Variants in UVRAG observed in about 807,000 individuals in gnomAD.
UVRAG encodes the protein UV radiation resistance-associated gene protein.
A neutral mutation model predicts 78.0 loss-of-function variants in UVRAG; 19 were observed. That is an observed-to-expected ratio of 0.24 (90% CI 0.17 to 0.36). The LOEUF (loss-of-function observed/expected upper bound fraction) is 0.36. UVRAG is among the 10% of genes least tolerant of loss of function. The pLI is 1.00. For missense variants in UVRAG, 740 were observed against 853.8 expected (o/e 0.87, Z 1.66); for synonymous variants, 323 against 324.6 (o/e 1.00, Z 0.05).
At chr11:75,991,376 C>T (rs1565107963) in intron 8 of UVRAG, among the ~76,000 whole-genome samples, 1 of 152,082 alleles carries the variant, frequency 6.6e-6, no homozygotes, top group Admixed American at 6.6e-5. Flanking sequence ...AATGAAAACA[C>T]TATAAGGTTG....
At chr11:75,981,535 C>CA (rs1949393615) in intron 7 of UVRAG, among the ~76,000 whole-genome samples, 1 of 152,066 alleles carries the variant, frequency 6.6e-6, no homozygotes, top group African/African-American at 2.4e-5. Flanking sequence ...ACCGCAGCCT[C>CA]AAACTCCTAG....
intron 4 of UVRAG, among the ~76,000 whole-genome samples, chr11:75,885,325 G>A (rs1947051894): frequency 6.6e-6 from 1 of 151,968 alleles, no homozygotes; most frequent in Non-Finnish European, 1.5e-5. Flanking sequence ...TAGTTTAAGT[G>A]GTTAGAACTT....
At chr11:75,879,561 G>C (rs1946891765) in intron 3 of UVRAG, among the ~76,000 whole-genome samples, 1 of 152,216 alleles carries the variant, frequency 6.6e-6, no homozygotes, top group Non-Finnish European at 1.5e-5. Context: ...CTCTTTGAGG[G>C]CATTGTTTAT....
At chr11:75,919,406 A>G (rs138680531) in intron 6 of UVRAG, among the ~76,000 whole-genome samples, 51 of 152,318 alleles carry the variant, frequency 3.3e-4, no homozygotes, top group African/African-American at 1.1e-3. Flanking sequence ...TAAGTAAGTT[A>G]GGGGAGGAAT....
chr11:76,073,618 A>G (rs982478581), intron 13 of UVRAG, among the ~76,000 whole-genome samples: 4 of 152,182 alleles, frequency 2.6e-5, no homozygotes, highest in Admixed American at 6.6e-5. Context: ...CAATGAGCCA[A>G]TGTTTTCCAA....
At chr11:76,007,702 C>A in intron 10 of UVRAG, 81 bp downstream of exon 10, 1 of 1,109,380 alleles carries the variant, frequency 9.0e-7, no homozygotes, top group South Asian at 1.3e-5. Context: ...TGAAAAAACT[C>A]ATTGCTTTAG....
At chr11:75,987,188 T>C (rs977672488) in intron 8 of UVRAG, among the ~76,000 whole-genome samples, 1 of 152,214 alleles carries the variant, frequency 6.6e-6, no homozygotes, top group African/African-American at 2.4e-5. Context: ...CCAACCATTT[T>C]CCACAACAGC....
chr11:75,979,581 C>T (rs955323329), intron 7 of UVRAG: 2 of 155,858 alleles, frequency 1.3e-5, no homozygotes, highest in African/African-American at 2.4e-5. Context: ...CATTGGTGGG[C>T]GCCCCTCCCC....
chr11:75,966,944 T>C (rs1457403449), intron 7 of UVRAG, among the ~76,000 whole-genome samples: 3 of 152,190 alleles, frequency 2.0e-5, no homozygotes, highest in African/African-American at 7.2e-5. Flanking sequence ...ATTCTCTGCC[T>C]TCCTCTATTC....
intron 3 of UVRAG, among the ~76,000 whole-genome samples, chr11:75,872,406 T>TC (rs1420011518): frequency 6.6e-6 from 1 of 151,498 alleles, no homozygotes; most frequent in East Asian, 1.9e-4. Context: ...TTTTTTTTTT[T>TC]TAGACGGAGG....
intron 14 of UVRAG, among the ~76,000 whole-genome samples, chr11:76,135,073 C>T (rs1162079802): frequency 1.3e-5 from 2 of 152,182 alleles, no homozygotes; most frequent in African/African-American, 2.4e-5. Flanking sequence ...ATCTAACTAA[C>T]GCCTGATGAT....
chr11:75,911,569 C>A, intron 5 of UVRAG: 1 of 171,062 alleles, frequency 5.8e-6, no homozygotes, highest in Non-Finnish European at 1.3e-5. Context: ...GACTGGTCAG[C>A]ACAAGGGTGG....
At chr11:76,034,441 A>C (rs114799858) in intron 12 of UVRAG, among the ~76,000 whole-genome samples, 1,551 of 152,188 alleles carry the variant, frequency 0.01, 28 homozygotes, top group African/African-American at 0.036. Context: ...TAAAGTGATT[A>C]TCCCGCCTTG....
At chr11:76,095,445 TA>T (rs1389720711) in intron 13 of UVRAG, among the ~76,000 whole-genome samples, 8 of 151,934 alleles carry the variant, frequency 5.3e-5, no homozygotes, top group African/African-American at 1.4e-4. Flanking sequence ...ATTAAGCCAT[TA>T]AAAAAGCATG....
At chr11:75,878,935 G>C (rs1234385728) in intron 3 of UVRAG, among the ~76,000 whole-genome samples, 1 of 147,530 alleles carries the variant, frequency 6.8e-6, no homozygotes, top group Non-Finnish European at 1.5e-5. Context: ...GAGAGGGAGA[G>C]GGAGACCCCC....
At chr11:76,003,857 A>G in intron 8 of UVRAG, 148 bp from the exon 9 acceptor site, 1 of 653,988 alleles carries the variant, frequency 1.5e-6, no homozygotes, top group South Asian at 1.8e-5. Flanking sequence ...TATTCTAGCT[A>G]CTCTCCCCAA....
chr11:75,901,292 A>G (rs916427322), intron 5 of UVRAG, among the ~76,000 whole-genome samples: 9 of 152,230 alleles, frequency 5.9e-5, no homozygotes, highest in African/African-American at 1.9e-4. Flanking sequence ...TTGCCCATCA[A>G]GATTTCTTAT....
At chr11:75,951,325 ATGTGTGTGTGTGTGTGTGTG>A (rs71036071) in intron 6 of UVRAG, among the ~76,000 whole-genome samples, 2 of 149,594 alleles carry the variant, frequency 1.3e-5, no homozygotes, top group African/African-American at 5.0e-5. Flanking sequence ...ATAATCTGAA[ATGTGTGTGTGTGTGTGTGTG>A]TGTGTGTGTG....
intron 8 of UVRAG, among the ~76,000 whole-genome samples, chr11:75,993,311 G>T (rs544362590): frequency 1.3e-5 from 2 of 152,088 alleles, no homozygotes; most frequent in Admixed American, 6.5e-5. Context: ...ACTCCAAAGG[G>T]CCTCATTACT....
Sources: allele counts gnomAD v4.1 joint callset (sites outside exome capture counted in the v4.1 genomes callset), GRCh38; gene constraint gnomAD v4.1.1; transcripts MANE v1.5; gene names NCBI Gene and HGNC (gene_info 2026-07-23, HGNC 2026-07-21).